GRIN2A: variants seen among roughly 807,000 people sequenced by gnomAD.
GRIN2A encodes glutamate receptor ionotropic, NMDA 2A.
GRIN2A carries 22 observed loss-of-function variants against 113.4 expected under a neutral mutation model. The ratio of observed to expected loss-of-function variants is 0.19; its 90% CI spans 0.14 to 0.28. The LOEUF is 0.28. Among genes scored for constraint, GRIN2A ranks in the 10% least tolerant of loss-of-function variants. The probability of loss-of-function intolerance (pLI) is 1.00; values close to 1 mark genes in which losing one functional copy is unlikely to be tolerated. For synonymous variants in GRIN2A, 827 were observed against 738.4 expected, an observed-to-expected ratio of 1.12 and a Z score of -1.94; for missense variants, 1,502 against 1,887.0, an observed-to-expected ratio of 0.80 and a Z score of 3.78.
intron 2 of GRIN2A, among the ~76,000 whole-genome samples, chr16:10,162,640 G>C (rs1213316938): frequency 1.3e-5 from 2 of 152,102 alleles, no homozygotes; most frequent in East Asian, 3.9e-4. Flanking sequence ...GTCATGTTGG[G>C]TTAAGGCTTA....
At position 9,763,823 on chromosome 16, in the gene GRIN2A, G is replaced by A. The variant is rs1303700994; in HGVS notation, c.3721C>T (p.Arg1241Trp). ...TCGATGTCATAGAGGTTCCCCATCC[G>A]CAGGCAGGCATCGCACTTGAAGGGG... is the stretch of plus-strand genomic sequence containing the variant. ...RSPFKCDACLRMGNLYDIDED... is the reference protein window; with the variant it reads ...RSPFKCDACLWMGNLYDIDED... The change falls in exon 13 of 13, where the codon CGG becomes TGG. Residue 1241 changes from arginine (R) to tryptophan (W), a missense_variant. Arg to Trp is a moderately radical substitution (Grantham distance 101). This residue lies in a region of GRIN2A where 832 missense variants were observed against 789.7 expected (regional missense o/e 1.05). Transcript: ENST00000330684. 3.1e-6 allele frequency: 5 copies of A among 1,614,088 alleles called. No individual in the cohort carries two copies. Among genetic ancestry groups the A allele is most frequent in the Admixed American group, 1.7e-5 (1 of 60,024 alleles).
At chr16:10,160,962 G>T (rs370394590) in intron 2 of GRIN2A, among the ~76,000 whole-genome samples, 32 of 152,308 alleles carry the variant, frequency 2.1e-4, no homozygotes, top group African/African-American at 7.0e-4. Context: ...TCAAACAGAG[G>T]CACACACAGC....
chr16:10,019,300 T>C (rs974207016), intron 2 of GRIN2A, among the ~76,000 whole-genome samples: 4 of 152,224 alleles, frequency 2.6e-5, no homozygotes, highest in Admixed American at 2.6e-4. Flanking sequence ...AGCTACTGTT[T>C]ATCATTGTTT....
chr16:10,144,920 C>CAAAAAA (rs58751267), intron 2 of GRIN2A, among the ~76,000 whole-genome samples: 181 of 58,246 alleles, frequency 3.1e-3, no homozygotes, highest in East Asian at 9.9e-3. Context: ...GACCCTGTCT[C>CAAAAAA]AAAAAAAAAA....
At chr16:9,828,485 G>A (rs1371043435) in intron 9 of GRIN2A, among the ~76,000 whole-genome samples, 1 of 152,122 alleles carries the variant, frequency 6.6e-6, no homozygotes, top group African/African-American at 2.4e-5. Flanking sequence ...GATATATGTA[G>A]ACTTATGTCA....
At chr16:10,118,756 G>T (rs2048775719) in intron 2 of GRIN2A, among the ~76,000 whole-genome samples, 1 of 152,186 alleles carries the variant, frequency 6.6e-6, no homozygotes, top group Non-Finnish European at 1.5e-5. Context: ...TATGTGAACA[G>T]GATCCTGATG....
At chr16:10,116,834 CATTT>C (rs1379514844) in intron 2 of GRIN2A, among the ~76,000 whole-genome samples, 2 of 152,078 alleles carry the variant, frequency 1.3e-5, no homozygotes, top group Non-Finnish European at 2.9e-5. Flanking sequence ...TTCTGGGGGG[CATTT>C]ATTTATCCCC....
chr16:9,796,278 A>G (rs1902976676), intron 11 of GRIN2A, among the ~76,000 whole-genome samples: 1 of 152,192 alleles, frequency 6.6e-6, no homozygotes, highest in South Asian at 2.1e-4. Context: ...TCATCCATAC[A>G]TGTATTTATT....
At position 9,932,489 on chromosome 16, in the gene GRIN2A, C is replaced by T. The variant is rs112590031; in HGVS notation, c.1007+5470G>A. On this transcript the variant is annotated intron_variant, in intron 3 of 12. Transcript: ENST00000330684. ...CTCCCAGGTTCAAGTGATTCTCCTG[C>T]CTCAGCTTCCCAAGTAGCTGGGACT... Among the ~76,000 whole-genome samples the T allele has an allele frequency of 9.2e-3, 1,403 of 152,178 alleles. 19 individuals are homozygous for T. The highest frequency in any genetic ancestry group is 0.032 in the African/African-American group (1,338 of 41,506).
chr16:10,077,845 T>C (rs2047905193), intron 2 of GRIN2A, among the ~76,000 whole-genome samples: 1 of 152,088 alleles, frequency 6.6e-6, no homozygotes, highest in African/African-American at 2.4e-5. Context: ...TTTATCCAAA[T>C]ACCATTTTTT....
chr16:9,821,153 G>A (rs917249101), intron 10 of GRIN2A, among the ~76,000 whole-genome samples: 4 of 152,048 alleles, frequency 2.6e-5, no homozygotes, highest in African/African-American at 4.8e-5. Context: ...TATTTATTAA[G>A]CCACAAGGAG....
At chr16:9,868,766 C>T (rs577697559) in intron 4 of GRIN2A, among the ~76,000 whole-genome samples, 1 of 152,176 alleles carries the variant, frequency 6.6e-6, no homozygotes, top group Admixed American at 6.5e-5. Flanking sequence ...GGTTCCAGCC[C>T]TGCCCCACAT....
chr16:9,959,704 C>T (rs112394818), intron 2 of GRIN2A, among the ~76,000 whole-genome samples: 29 of 152,240 alleles, frequency 1.9e-4, no homozygotes, highest in East Asian at 7.7e-4. Flanking sequence ...CCAGGCATGG[C>T]GGCTCACGCC....
At chr16:10,150,105 C>T (rs978110555) in intron 2 of GRIN2A, among the ~76,000 whole-genome samples, 2 of 152,198 alleles carry the variant, frequency 1.3e-5, no homozygotes, top group African/African-American at 2.4e-5. Flanking sequence ...GTTGGTCCCC[C>T]TTGATTGGCT....
Position 9,769,083 on chromosome 16 carries a change from A to T in GRIN2A, c.2363T>A (p.Met788Lys). 6.2e-7 allele frequency: 1 copy of T among 1,612,448 alleles called. No homozygotes were observed. Among genetic ancestry groups the T allele is most frequent in the Non-Finnish European group, 8.5e-7 (1 of 1,178,528 alleles). The part of the protein sequence containing the change: ...ALLQFVGDGE[M>K]EELETLWLTG... Reference sequence around the variant, plus strand: ...GAGCCACAGGGTCTCCAGCTCCTCCATCTCACCTGGACAGATCACAACATT... The same window carrying T: ...GAGCCACAGGGTCTCCAGCTCCTCCTTCTCACCTGGACAGATCACAACATT... Residue 788 changes from methionine (M) to lysine (K), a missense_variant, in exon 12 of 13, where the codon ATG becomes AAG. By Grantham distance (95) the Met-to-Lys change is moderately conservative. Coordinates refer to ENST00000330684, the MANE Select transcript of GRIN2A (RefSeq NM_001134407.3).
intron 10 of GRIN2A, among the ~76,000 whole-genome samples, chr16:9,804,293 G>A (rs149513585): frequency 2.0e-4 from 30 of 152,250 alleles, no homozygotes; most frequent in African/African-American, 2.6e-4. Flanking sequence ...TCAGAGTGAC[G>A]TGTTAGGCTG....
chr16:10,119,395 T>TGA (rs1260757446), intron 2 of GRIN2A, among the ~76,000 whole-genome samples: 5 of 5,454 alleles, frequency 9.2e-4, no homozygotes, highest in Non-Finnish European at 4.2e-3. Flanking sequence ...GTTGTTTTCA[T>TGA]GCTTAATATT....
At chr16:10,077,745 A>T (rs933256085) in intron 2 of GRIN2A, among the ~76,000 whole-genome samples, 1 of 151,632 alleles carries the variant, frequency 6.6e-6, no homozygotes, top group Non-Finnish European at 1.5e-5. Context: ...ACTGGAAAAC[A>T]CCCCCACCTC....
At chr16:9,796,373 G>C (rs1193181637) in intron 11 of GRIN2A, among the ~76,000 whole-genome samples, 1 of 152,182 alleles carries the variant, frequency 6.6e-6, no homozygotes, top group African/African-American at 2.4e-5. Context: ...TTGCTGAATA[G>C]TTCATCCCCT....
Sources: gnomAD v4.1 joint callset for allele counts (sites outside exome capture counted in the v4.1 genomes callset) on GRCh38, gnomAD v4.1.1 for gene constraint, gnomAD v4.1.1 regional missense constraint, MANE v1.5 for transcripts, NCBI Gene and HGNC (gene_info 2026-07-23, HGNC 2026-07-21) for gene names.